Variants in PCDHGA2 observed in about 807,000 individuals in gnomAD.
The protein encoded by PCDHGA2 is protocadherin gamma subfamily A, 2, also known as protocadherin gamma-A2.
PCDHGA2 carries 40 observed loss-of-function variants against 59.2 expected under a neutral mutation model. The observed-to-expected ratio is 0.68, with a 90% CI of 0.52 to 0.88. The LOEUF (loss-of-function observed/expected upper bound fraction) is 0.88, where lower values mean the gene tolerates loss of function less well. PCDHGA2 is among the 40% of genes least tolerant of loss of function. PCDHGA2 has a pLI of 0.00. For synonymous variants in PCDHGA2, 560 were observed against 526.0 expected, an observed-to-expected ratio of 1.06 and a Z score of -0.89; for missense variants, 1,226 against 1,204.0, an observed-to-expected ratio of 1.02 and a Z score of -0.27.
chr5:141,357,157 CCT>C, intron 1 of PCDHGA2: 1 of 1,613,660 alleles, frequency 6.2e-7, no homozygotes, highest in South Asian at 1.1e-5. Flanking sequence ...TGGCCAGCCC[CCT>C]CTCTCGGCCA....
intron 1 of PCDHGA2, chr5:141,350,684 T>A: frequency 6.2e-7 from 1 of 1,613,968 alleles, no homozygotes; most frequent in South Asian, 1.1e-5. Context: ...AATTTGTGAG[T>A]CAGCCTTACC....
chr5:141,485,511 C>G lies in PCDHGA2; in HGVS notation c.2425-9296C>G, dbSNP rs1168331122. The G allele has an allele frequency of 1.2e-6, 2 of 1,614,042 alleles. No individual in the cohort carries two copies. Among genetic ancestry groups the G allele is most frequent in the Non-Finnish European group, 1.7e-6 (2 of 1,180,038 alleles). On this transcript the variant is annotated intron_variant, in intron 1 of 3. Transcript: ENST00000394576. The surrounding 1 kb of genome is among the most constrained non-coding windows in gnomAD (Gnocchi z 5.7). Reference sequence around the variant, plus strand: ...CCCCTGGAGTTTGTCACCGAAGGTCCTTTGGAAATGTACCGAGCAGAGGTA... The same window carrying G: ...CCCCTGGAGTTTGTCACCGAAGGTCGTTTGGAAATGTACCGAGCAGAGGTA...
Position 141,487,591 on chromosome 5 carries a change from C to G in PCDHGA2, c.2425-7216C>G, listed in dbSNP as rs2099653282. The G allele has an allele frequency of 1.2e-6, 2 of 1,614,176 alleles. No individual in the cohort carries two copies. The highest frequency in any genetic ancestry group is 1.7e-6 in the Non-Finnish European group (2 of 1,180,036). ...AGCCTGTTCGCCCAAGCTGCCCACC[C>G]TCTGATCTTCTCTATGGGCTAGAGG... is the stretch of plus-strand genomic sequence containing the variant. On this transcript the variant is annotated intron_variant, in intron 1 of 3. Coordinates refer to ENST00000394576, the MANE Select transcript of PCDHGA2 (RefSeq NM_018915.4). The surrounding 1 kb of genome is among the most constrained non-coding windows in gnomAD (Gnocchi z 5.0).
At chr5:141,392,005 T>A (rs1323895692) in intron 1 of PCDHGA2, 1 of 152,198 alleles carries the variant, frequency 6.6e-6, no homozygotes, top group African/African-American at 2.4e-5. Context: ...AAAACTGCAA[T>A]GGTAAAAGCA....
intron 1 of PCDHGA2, chr5:141,366,727 A>G: frequency 1.2e-6 from 2 of 1,613,036 alleles, no homozygotes; most frequent in Non-Finnish European, 1.7e-6. Context: ...AGGTAGATGC[A>G]AACAAAGAAG....
At chr5:141,492,834 G>T (rs544218873) in intron 1 of PCDHGA2, among the ~76,000 whole-genome samples, 36 of 152,332 alleles carry the variant, frequency 2.4e-4, no homozygotes, top group Non-Finnish European at 4.1e-4. Flanking sequence ...CCTTCCTCCC[G>T]CAGGAAGTGA....
chr5:141,351,356 A>G (rs761700091), intron 1 of PCDHGA2: 3 of 1,613,212 alleles, frequency 1.9e-6, no homozygotes, highest in Admixed American at 3.3e-5. Flanking sequence ...AGCCCTCATA[A>G]AAGTGCGAGA....
intron 1 of PCDHGA2, chr5:141,409,987 C>T: frequency 3.1e-6 from 5 of 1,613,288 alleles, no homozygotes; most frequent in Non-Finnish European, 4.2e-6. Context: ...TAGCGGTGGA[C>T]GCCGACTCGG....
chr5:141,504,956 G>A (rs1327603937), intron 2 of PCDHGA2, among the ~76,000 whole-genome samples: 1 of 152,096 alleles, frequency 6.6e-6, no homozygotes, highest in Non-Finnish European at 1.5e-5. Context: ...TATGTTCAAT[G>A]CATTGGACCA....
At chr5:141,371,628 C>A (rs1247615659) in intron 1 of PCDHGA2, 2 of 1,614,008 alleles carry the variant, frequency 1.2e-6, no homozygotes, top group South Asian at 1.1e-5. Context: ...AGCCCTGGAC[C>A]GGGAGCAGAT....
In PCDHGA2 at chr5:141,432,017, A is replaced by G. The variant is rs372826902; in HGVS notation, c.2425-62790A>G. The stretch of plus-strand genomic sequence containing the variant: ...TAGGGAACAGGTTCCTAGCTACAAC[A>G]TCACAGTGACCGCCACTGACCGGGG... On this transcript the variant is annotated intron_variant, in intron 1 of 3. Coordinates refer to ENST00000394576, the MANE Select transcript of PCDHGA2 (RefSeq NM_018915.4). This position sits in a 1 kb window ranked among gnomAD's most constrained non-coding sequence, Gnocchi z 6.0. The G allele has an allele frequency of 6.2e-7, 1 of 1,614,224 alleles. No individual in the cohort carries two copies. Among genetic ancestry groups the G allele is most frequent in the Non-Finnish European group, 8.5e-7 (1 of 1,180,038 alleles).
chr5:141,405,770 G>T (rs989163026), intron 1 of PCDHGA2, among the ~76,000 whole-genome samples: 1 of 152,032 alleles, frequency 6.6e-6, no homozygotes. Context: ...GAGCCACTGC[G>T]CCTGGCCCTT....
intron 1 of PCDHGA2, among the ~76,000 whole-genome samples, chr5:141,381,616 A>G (rs187813287): frequency 6.6e-6 from 1 of 152,230 alleles, no homozygotes; most frequent in Non-Finnish European, 1.5e-5. Context: ...ACAGCCCAGT[A>G]GGATCTCTGC....
intron 1 of PCDHGA2, among the ~76,000 whole-genome samples, chr5:141,407,384 G>A (rs911492449): frequency 1.3e-5 from 2 of 152,182 alleles, no homozygotes; most frequent in Non-Finnish European, 2.9e-5. Flanking sequence ...AGGCTTGTAT[G>A]TCATGGTAGG....
chr5:141,354,877 C>T (rs1759657393), intron 1 of PCDHGA2: 1 of 369,784 alleles, frequency 2.7e-6, no homozygotes, highest in African/African-American at 2.1e-5. Flanking sequence ...AGGAATTTGA[C>T]TTTATTATCT....
At position 141,418,010 on chromosome 5, in the gene PCDHGA2, G is replaced by T. The variant is rs185303697; in HGVS notation, c.2424+76615G>T. Reference sequence around the variant, plus strand: ...CAAGGGCTCGGTGGTGGGGAACCTCGCTAAGGATCTAGGGCTTAGTGTCCT... The same window carrying T: ...CAAGGGCTCGGTGGTGGGGAACCTCTCTAAGGATCTAGGGCTTAGTGTCCT... On this transcript the variant is annotated intron_variant, in intron 1 of 3. Coordinates refer to ENST00000394576, the MANE Select transcript of PCDHGA2 (RefSeq NM_018915.4). 2.9e-5 allele frequency: 46 copies of T among 1,613,912 alleles called. No individual in the cohort carries two copies. The Middle Eastern group carries it at 5.0e-4, about 17-fold the overall frequency.
At chr5:141,392,760 A>C in intron 1 of PCDHGA2, 1 of 1,475,092 alleles carries the variant, frequency 6.8e-7, no homozygotes, top group Non-Finnish European at 9.0e-7. Context: ...GAAACTAAAT[A>C]AGACCCATTT....
chr5:141,503,912 A>AAC (rs34419983), intron 2 of PCDHGA2, among the ~76,000 whole-genome samples: 3 of 152,280 alleles, frequency 2.0e-5, no homozygotes, highest in East Asian at 3.9e-4. Context: ...CACACAACGC[A>AAC]ACACACACAC....
chr5:141,467,990 A>G (rs1593103654), intron 1 of PCDHGA2, among the ~76,000 whole-genome samples: 2 of 152,052 alleles, frequency 1.3e-5, no homozygotes, highest in South Asian at 2.1e-4. Context: ...GAAAACCACA[A>G]TTCTTTCTTC....
Sources: allele counts gnomAD v4.1 joint callset (sites outside exome capture counted in the v4.1 genomes callset), GRCh38; gene constraint gnomAD v4.1.1; non-coding constraint Gnocchi (gnomAD v3.1); transcripts MANE v1.5; gene names NCBI Gene and HGNC (gene_info 2026-07-23, HGNC 2026-07-21).